Variants in ADCY9 observed in about 807,000 individuals in gnomAD.
The protein encoded by ADCY9 is adenylate cyclase type 9.
Under a neutral mutation model 101.5 loss-of-function variants are expected in ADCY9, and 50 were observed. The ratio of observed to expected loss-of-function variants is 0.49; its 90% CI spans 0.39 to 0.62. The LOEUF is 0.62. ADCY9 is among the 20% of genes least tolerant of loss of function. ADCY9 has a pLI of 0.00. For synonymous variants in ADCY9, 905 were observed against 769.3 expected, an observed-to-expected ratio of 1.18 and a Z score of -2.92; for missense variants, 1,662 against 1,800.4, an observed-to-expected ratio of 0.92 and a Z score of 1.39.
chr16:4,002,776 G>A (rs947607481), intron 3 of ADCY9, among the ~76,000 whole-genome samples: 4 of 152,164 alleles, frequency 2.6e-5, no homozygotes, highest in Admixed American at 1.3e-4. Flanking sequence ...GTGCAGTGGC[G>A]TGGTCTCAGC....
Position 4,114,745 on chromosome 16 carries a change from A to G in ADCY9, c.698T>C (p.Leu233Ser), listed in dbSNP as rs1362978468. The change falls in exon 2 of 11, where the codon TTG becomes TCG. Residue 233 changes from leucine (L) to serine (S), a missense_variant. By Grantham distance (145) the Leu-to-Ser change is moderately radical (BLOSUM62 -2). Transcript: ENST00000294016. The surrounding 1 kb of genome is among the most constrained non-coding windows in gnomAD (Gnocchi z 4.3). ...SFSMCIEVLF[L>S]LYTVMHLPLY... ...AGGTAAGTGCATGACGGTATAGAGC[A>G]AAAAGAGCACTTCGATGCACATGGA... 2 of 1,613,062 alleles carry G rather than the reference A, an allele frequency of 1.2e-6. No homozygotes were observed.
chr16:4,052,211 C>CA (rs2056706098), intron 2 of ADCY9, among the ~76,000 whole-genome samples: 1 of 152,156 alleles, frequency 6.6e-6, no homozygotes, highest in African/African-American at 2.4e-5. Flanking sequence ...TCGTGAAAGA[C>CA]AGAGACGAAG....
rs552191181 is a variant in ADCY9 at position 4,071,262 on chromosome 16, G to A, written c.1693+42488C>T. ...GGAGAATCAATTGAACCCGGGAAGCGGAGGTTGCAGTGAGCAGAGATGGTG... is the reference window on the plus strand; with the variant it reads ...GGAGAATCAATTGAACCCGGGAAGCAGAGGTTGCAGTGAGCAGAGATGGTG... On this transcript the variant is annotated intron_variant, in intron 2 of 10. Coordinates refer to ENST00000294016, the MANE Select transcript of ADCY9 (RefSeq NM_001116.4). Among the ~76,000 whole-genome samples, 6 of 142,452 alleles carry A rather than the reference G, an allele frequency of 4.2e-5. No homozygotes were observed. The South Asian group carries it at 6.7e-4, about 16-fold the overall frequency. 93.5% of individuals were successfully genotyped at this position (142,452 alleles called of 152,430 possible).
intron 2 of ADCY9, among the ~76,000 whole-genome samples, chr16:4,015,185 C>T (rs868838072): frequency 6.6e-6 from 1 of 151,976 alleles, no homozygotes; most frequent in Non-Finnish European, 1.5e-5. Context: ...TCATGATCCG[C>T]CCACCTCAGC....
At chr16:3,970,584 T>A (rs1319665401) in intron 10 of ADCY9, among the ~76,000 whole-genome samples, 1 of 152,202 alleles carries the variant, frequency 6.6e-6, no homozygotes, top group Non-Finnish European at 1.5e-5. Context: ...CGCCTTGGCC[T>A]CCCAAAGTGC....
chr16:4,033,425 T>C (rs1227722798), intron 2 of ADCY9, among the ~76,000 whole-genome samples: 1 of 138,422 alleles, frequency 7.2e-6, no homozygotes, highest in Non-Finnish European at 1.5e-5. Context: ...AGTCTCTCCT[T>C]GAAGTAATTT....
rs1369396221 is a variant in ADCY9 at position 3,964,410 on chromosome 16, C to G, written c.*1365G>C. On this transcript the variant is annotated 3_prime_UTR_variant, in exon 11 of 11. Transcript: ENST00000294016. ...CCACACCACCCTCGGGATTCCGCCCCTAACAAACCCCGCGTTTGCATCCAG... is the reference window on the plus strand; with the variant it reads ...CCACACCACCCTCGGGATTCCGCCCGTAACAAACCCCGCGTTTGCATCCAG... 1 of 152,366 alleles carries G rather than the reference C, an allele frequency of 6.6e-6. No individual in the cohort carries two copies. Among genetic ancestry groups the G allele is most frequent in the African/African-American group, 2.4e-5 (1 of 41,466 alleles). 9.4% of individuals were successfully genotyped at this position (152,366 alleles called of 1,614,324 possible). A position where few individuals can be genotyped will look rare whatever the true frequency, so the allele number is the denominator to read the frequency against.
intron 2 of ADCY9, 85 bp downstream of exon 2, chr16:4,113,665 G>T (rs569525857): frequency 1.3e-6 from 2 of 1,506,450 alleles, no homozygotes; most frequent in Non-Finnish European, 1.8e-6. Context: ...GCTGTCTGCA[G>T]ACACTGAGGC....
At chr16:3,975,689 G>A (rs934353747) in intron 9 of ADCY9, among the ~76,000 whole-genome samples, 1 of 152,160 alleles carries the variant, frequency 6.6e-6, no homozygotes, top group African/African-American at 2.4e-5. Flanking sequence ...TGTCCCATGT[G>A]ACTTTAAAAC....
intron 2 of ADCY9, among the ~76,000 whole-genome samples, chr16:4,095,094 C>T (rs968629978): frequency 4.0e-5 from 6 of 150,758 alleles, no homozygotes; most frequent in Admixed American, 2.7e-4. Flanking sequence ...CCTCTACTTA[C>T]CAGGTTCAAG....
intron 2 of ADCY9, among the ~76,000 whole-genome samples, chr16:4,077,512 C>G (rs1392609862): frequency 1.3e-5 from 2 of 152,194 alleles, no homozygotes; most frequent in East Asian, 3.9e-4. Context: ...GGAAAACACC[C>G]ACACACACGC....
In ADCY9 at chr16:3,996,568, C is replaced by T. The variant is rs147823645; in HGVS notation, c.1885-3058G>A. On this transcript the variant is annotated intron_variant, in intron 3 of 10. Transcript: ENST00000294016. ...GCACACCAGCCATTTCAGGGCCCAACCGGTAGACCAGGAAAGGAAGCTGGA... is the reference window on the plus strand; with the variant it reads ...GCACACCAGCCATTTCAGGGCCCAATCGGTAGACCAGGAAAGGAAGCTGGA... 6.7e-3 allele frequency among the ~76,000 whole-genome samples: 1,017 copies of T among 152,274 alleles called. 9 individuals are homozygous for T. The highest frequency in any genetic ancestry group is 9.4e-3 in the Non-Finnish European group (640 of 68,026).
intron 7 of ADCY9, among the ~76,000 whole-genome samples, chr16:3,981,367 A>C (rs1422507967): frequency 2.6e-5 from 4 of 152,190 alleles, no homozygotes. Flanking sequence ...CAGAGCCCTC[A>C]AGACGCTACA....
intron 2 of ADCY9, among the ~76,000 whole-genome samples, chr16:4,016,700 T>A (rs2056440918): frequency 6.6e-6 from 1 of 152,108 alleles, no homozygotes; most frequent in South Asian, 2.1e-4. Flanking sequence ...TAAAGCTGTA[T>A]GATGTTTAGT....
intron 2 of ADCY9, among the ~76,000 whole-genome samples, chr16:4,061,668 G>T (rs1312693041): frequency 6.6e-6 from 1 of 151,808 alleles, no homozygotes; most frequent in East Asian, 1.9e-4. Context: ...GATAAACAAA[G>T]ACAGAAAATT....
intron 2 of ADCY9, among the ~76,000 whole-genome samples, chr16:4,087,946 G>GT (rs1181821909): frequency 6.8e-5 from 8 of 117,090 alleles, no homozygotes; most frequent in South Asian, 2.8e-4. Context: ...CTTTTTTTTT[G>GT]TTTTTTTGCG....
At chr16:4,016,132 A>C (rs1013408818) in intron 2 of ADCY9, among the ~76,000 whole-genome samples, 6 of 152,232 alleles carry the variant, frequency 3.9e-5, no homozygotes, top group Non-Finnish European at 7.3e-5. Context: ...GAGGACAGTC[A>C]GTGAGTGACG....
At chr16:4,088,562 T>C (rs1312505289) in intron 2 of ADCY9, among the ~76,000 whole-genome samples, 2 of 151,974 alleles carry the variant, frequency 1.3e-5, no homozygotes, top group Non-Finnish European at 2.9e-5. Context: ...AGTGCTGGGA[T>C]GACAGGCATG....
chr16:4,077,719 G>A (rs1897423128), intron 2 of ADCY9, among the ~76,000 whole-genome samples: 1 of 152,124 alleles, frequency 6.6e-6, no homozygotes, highest in South Asian at 2.1e-4. Flanking sequence ...TCAGACACAG[G>A]CCAGGCGCGG....
Sources: gnomAD v4.1 joint callset for allele counts (sites outside exome capture counted in the v4.1 genomes callset) on GRCh38, gnomAD v4.1.1 for gene constraint, Gnocchi (gnomAD v3.1) non-coding constraint, MANE v1.5 for transcripts, NCBI Gene and HGNC (gene_info 2026-07-23, HGNC 2026-07-21) for gene names.